NTRK2: variants seen among roughly 807,000 people sequenced by gnomAD.
NTRK2 encodes the protein neurotrophic receptor tyrosine kinase 2, also known as BDNF/NT-3 growth factors receptor.
Under a neutral mutation model 94.5 loss-of-function variants are expected in NTRK2, and 13 were observed. That is an observed-to-expected ratio of 0.14 (90% CI 0.09 to 0.22). The LOEUF is 0.22. NTRK2 is among the 10% of genes least tolerant of loss of function. The pLI is 1.00. For synonymous variants in NTRK2, 372 were observed against 407.4 expected, an observed-to-expected ratio of 0.91 and a Z score of 1.05; for missense variants, 639 against 1,071.2, an observed-to-expected ratio of 0.60 and a Z score of 5.63.
chr9:84,706,257 T>G (rs1318230907), intron 4 of NTRK2, among the ~76,000 whole-genome samples: 1 of 152,018 alleles, frequency 6.6e-6, no homozygotes, highest in African/African-American at 2.4e-5. Context: ...GGGGTTTGGA[T>G]GAGTGGAGAT....
intron 2 of NTRK2, among the ~76,000 whole-genome samples, chr9:84,674,099 C>T (rs978813279): frequency 2.7e-5 from 4 of 147,066 alleles, no homozygotes; most frequent in African/African-American, 7.4e-5. Flanking sequence ...CAAAAGAAGT[C>T]GTGCATTTTT....
Position 84,674,176 on chromosome 9 carries a change from G to A in NTRK2, c.212+3216G>A, listed in dbSNP as rs146896022. ...ATCTTACAGTTCAGTAGTGTTCTGT[G>A]TATCCATGTTGCTGTGGAAGGGCAT... On this transcript the variant is annotated intron_variant, in intron 2 of 18. Coordinates refer to ENST00000277120, the MANE Select transcript of NTRK2 (RefSeq NM_006180.6). Among the ~76,000 whole-genome samples, 343 of 152,188 alleles carry A rather than the reference G, an allele frequency of 2.3e-3. 1 individual carries two copies. The highest frequency in any genetic ancestry group is 7.9e-3 in the African/African-American group (329 of 41,536).
At chr9:84,868,557 ACT>A (rs1260756064) in intron 14 of NTRK2, among the ~76,000 whole-genome samples, 1 of 152,146 alleles carries the variant, frequency 6.6e-6, no homozygotes, top group Non-Finnish European at 1.5e-5. Context: ...ATTTTGGTTG[ACT>A]CTGTAACATG....
At chr9:84,896,726 G>A (rs1311361736) in intron 14 of NTRK2, among the ~76,000 whole-genome samples, 1 of 152,190 alleles carries the variant, frequency 6.6e-6, no homozygotes, top group Non-Finnish European at 1.5e-5. Flanking sequence ...TGCTTTAGGA[G>A]GGATTAAACT....
chr9:84,719,437 C>A (rs1228955142), intron 6 of NTRK2, among the ~76,000 whole-genome samples: 4 of 152,016 alleles, frequency 2.6e-5, no homozygotes, highest in Non-Finnish European at 4.4e-5. Flanking sequence ...TGAAAAAAAA[C>A]CCACATTAGA....
At chr9:84,831,586 G>A (rs2073550180) in intron 12 of NTRK2, among the ~76,000 whole-genome samples, 1 of 152,170 alleles carries the variant, frequency 6.6e-6, no homozygotes, top group Admixed American at 6.5e-5. Context: ...ACATTCCTGT[G>A]AGGTAGATAC....
rs112182816 is a variant in NTRK2 at position 84,870,140 on chromosome 9, C to T, written c.1633+2709C>T. Among the ~76,000 whole-genome samples the T allele has an allele frequency of 1.9e-3, 251 of 129,802 alleles. 1 individual carries two copies. Among genetic ancestry groups the T allele is most frequent in the Non-Finnish European group, 2.3e-3 (143 of 62,256 alleles). The allele number at this position is 129,802 out of a possible 152,430, so 85.2% of individuals were successfully genotyped here. A position where few individuals can be genotyped will look rare whatever the true frequency, so the allele number is the denominator to read the frequency against. Reference sequence around the variant, plus strand: ...ATATATATATATACACACACACACACATATATATACACACACATACATGTA... The same window carrying T: ...ATATATATATATACACACACACACATATATATATACACACACATACATGTA... On this transcript the variant is annotated intron_variant, in intron 14 of 18. Coordinates refer to ENST00000277120, the MANE Select transcript of NTRK2 (RefSeq NM_006180.6).
intron 9 of NTRK2, among the ~76,000 whole-genome samples, chr9:84,737,284 C>T (rs1211032027): frequency 2.0e-5 from 3 of 152,126 alleles, no homozygotes; most frequent in African/African-American, 7.2e-5. Context: ...TTTTATCCAA[C>T]AAACCTGTTT....
In NTRK2 at chr9:85,025,704, C is replaced by G. The variant is rs1833001253; in HGVS notation, c.*4267C>G. 2 of 233,190 alleles carry G rather than the reference C, an allele frequency of 8.6e-6. No homozygotes were observed. Among genetic ancestry groups the G allele is most frequent in the Non-Finnish European group, 1.7e-5 (2 of 117,992 alleles). The allele number at this position is 233,190 out of a possible 1,614,324, so 14.4% of individuals were successfully genotyped here. A position where few individuals can be genotyped will look rare whatever the true frequency, so the allele number is the denominator to read the frequency against. On this transcript the variant is annotated 3_prime_UTR_variant, in exon 19 of 19. Coordinates refer to ENST00000277120, the MANE Select transcript of NTRK2 (RefSeq NM_006180.6). ...CCATTTTCTTTTTCATCCCCTGTCT[C>G]AGGACTTTTATTTTCAATGTTGACC...
intron 16 of NTRK2, among the ~76,000 whole-genome samples, chr9:84,950,581 G>T (rs560880838): frequency 4.7e-5 from 5 of 105,484 alleles, no homozygotes; most frequent in South Asian, 3.9e-4. Context: ...GTTTTATCTG[G>T]GTCTAATATG....
At chr9:84,841,661 G>A (rs78252043) in intron 12 of NTRK2, among the ~76,000 whole-genome samples, 290 of 152,186 alleles carry the variant, frequency 1.9e-3, no homozygotes, top group African/African-American at 6.0e-3. Flanking sequence ...TTCAATTGCA[G>A]CCCTTATACC....
intron 12 of NTRK2, among the ~76,000 whole-genome samples, chr9:84,819,719 G>A (rs2072663812): frequency 1.3e-5 from 2 of 152,174 alleles, no homozygotes; most frequent in African/African-American, 4.8e-5. Context: ...CTCCCTATCT[G>A]GAGTCCTGCA....
At chr9:84,729,297 C>T (rs1485258820) in intron 9 of NTRK2, among the ~76,000 whole-genome samples, 1 of 152,142 alleles carries the variant, frequency 6.6e-6, no homozygotes, top group Admixed American at 6.6e-5. Context: ...AACAGTAGCC[C>T]TTCAGGAGCA....
intron 12 of NTRK2, among the ~76,000 whole-genome samples, chr9:84,761,812 A>G (rs2065594721): frequency 1.3e-5 from 2 of 152,180 alleles, no homozygotes; most frequent in African/African-American, 4.8e-5. Flanking sequence ...TGGCATTCCC[A>G]GTGAATCTGT....
intron 12 of NTRK2, among the ~76,000 whole-genome samples, chr9:84,786,873 A>G (rs199995213): frequency 6.6e-6 from 1 of 151,886 alleles, no homozygotes; most frequent in East Asian, 1.9e-4. Flanking sequence ...TCGAAAATCC[A>G]CTCTCGATTT....
intron 12 of NTRK2, among the ~76,000 whole-genome samples, chr9:84,826,796 C>CTCAT (rs1335579815): frequency 6.6e-6 from 1 of 152,202 alleles, no homozygotes; most frequent in African/African-American, 2.4e-5. Flanking sequence ...ATTACCACCA[C>CTCAT]TCATTCATTC....
At chr9:84,923,464 G>A (rs182718768) in intron 14 of NTRK2, among the ~76,000 whole-genome samples, 1 of 152,252 alleles carries the variant, frequency 6.6e-6, no homozygotes, top group Admixed American at 6.5e-5. Flanking sequence ...AAAATAAAAT[G>A]TTCATTCATT....
chr9:84,995,480 T>A (rs942685903), intron 17 of NTRK2, among the ~76,000 whole-genome samples: 1 of 152,322 alleles, frequency 6.6e-6, no homozygotes, highest in African/African-American at 2.4e-5. Flanking sequence ...ATAACACATA[T>A]GACTTCTGTC....
At chr9:84,918,341 T>A (rs906534657) in intron 14 of NTRK2, among the ~76,000 whole-genome samples, 1 of 152,194 alleles carries the variant, frequency 6.6e-6, no homozygotes, top group East Asian at 1.9e-4. Flanking sequence ...TGCTCCACAA[T>A]GGGGGCTTCT....
Sources: allele counts gnomAD v4.1 joint callset (sites outside exome capture counted in the v4.1 genomes callset), GRCh38; gene constraint gnomAD v4.1.1; transcripts MANE v1.5; gene names NCBI Gene and HGNC (gene_info 2026-07-23, HGNC 2026-07-21).